DNAH9: variants seen among roughly 807,000 people sequenced by gnomAD.
The protein encoded by DNAH9 is dynein axonemal heavy chain 9, also known as DNAH9 variant protein.
DNAH9 carries 345 observed loss-of-function variants against 471.6 expected under a neutral mutation model. The observed-to-expected ratio is 0.73, with a 90% CI of 0.67 to 0.80. DNAH9 has a LOEUF of 0.80. Ranked by LOEUF, DNAH9 falls within the 30% of genes least tolerant of loss-of-function variation. The probability of loss-of-function intolerance (pLI) is 0.00; values close to 1 mark genes in which losing one functional copy is unlikely to be tolerated. For missense variants in DNAH9, 5,407 were observed against 5,609.2 expected (o/e 0.96, Z 1.15); for synonymous variants, 2,093 against 2,123.6 (o/e 0.99, Z 0.40).
chr17:11,809,271 T>C (rs1460968157), intron 44 of DNAH9, among the ~76,000 whole-genome samples: 1 of 152,004 alleles, frequency 6.6e-6, no homozygotes, highest in Non-Finnish European at 1.5e-5. Context: ...GAGCTAGTCA[T>C]AAGAACACAA....
chr17:11,604,369 A>G (rs977085312), intron 1 of DNAH9, among the ~76,000 whole-genome samples: 5 of 151,786 alleles, frequency 3.3e-5, no homozygotes, highest in Admixed American at 2.6e-4. Context: ...CATTCCCTGG[A>G]CGTCTTCTCT....
intron 59 of DNAH9, among the ~76,000 whole-genome samples, chr17:11,901,682 C>T (rs1973421324): frequency 1.3e-5 from 2 of 152,054 alleles, no homozygotes; most frequent in South Asian, 2.1e-4. Flanking sequence ...GGCAACAGAG[C>T]GACACTCCGT....
At chr17:11,837,822 A>G (rs1409362667) in intron 49 of DNAH9, among the ~76,000 whole-genome samples, 1 of 152,098 alleles carries the variant, frequency 6.6e-6, no homozygotes, top group Non-Finnish European at 1.5e-5. Flanking sequence ...GTTCTACTCC[A>G]CCCACGCCAA....
At chr17:11,916,933 A>G (rs376687668) in intron 61 of DNAH9, among the ~76,000 whole-genome samples, 10 of 152,180 alleles carry the variant, frequency 6.6e-5, no homozygotes, top group African/African-American at 2.4e-4. Flanking sequence ...CCATTGGCCA[A>G]TTAATAATTA....
chr17:11,873,208 CTGAG>C (rs1972350476), intron 52 of DNAH9, among the ~76,000 whole-genome samples: 1 of 152,208 alleles, frequency 6.6e-6, no homozygotes, highest in Non-Finnish European at 1.5e-5. Context: ...CCATCATTAA[CTGAG>C]TGAATGAAGA....
Position 11,853,894 on chromosome 17 carries a change from T to C in DNAH9, c.9508-109T>C, listed in dbSNP as rs990735413. Reference sequence around the variant, plus strand: ...TAAAATTCAGAGGGCTGCTGCAGGCTTCAAAGCAGCCCTTTCAAACCGATC... The same window carrying C: ...TAAAATTCAGAGGGCTGCTGCAGGCCTCAAAGCAGCCCTTTCAAACCGATC... On this transcript the variant is annotated intron_variant, in intron 49 of 68. Transcript: ENST00000262442. 3.8e-6 allele frequency: 4 copies of C among 1,043,258 alleles called. No individual in the cohort carries two copies. The African/African-American group carries it at 6.4e-5, about 17-fold the overall frequency. The allele number at this position is 1,043,258 out of a possible 1,614,324, so 64.6% of individuals were successfully genotyped here. A position where few individuals can be genotyped will look rare whatever the true frequency, so the allele number is the denominator to read the frequency against.
At chr17:11,794,075 T>C (rs1969157090) in intron 42 of DNAH9, among the ~76,000 whole-genome samples, 1 of 141,664 alleles carries the variant, frequency 7.1e-6, no homozygotes, top group South Asian at 2.2e-4. Flanking sequence ...GACAGAGTCT[T>C]GCTCTTTCGC....
chr17:11,819,577 C>G (rs1467747530), intron 45 of DNAH9, among the ~76,000 whole-genome samples: 2 of 152,040 alleles, frequency 1.3e-5, no homozygotes, highest in Non-Finnish European at 2.9e-5. Context: ...ACCACCATGC[C>G]CAGCTAATTG....
intron 17 of DNAH9, among the ~76,000 whole-genome samples, chr17:11,675,833 AT>A (rs2074040274): frequency 6.6e-6 from 1 of 152,092 alleles, no homozygotes; most frequent in Non-Finnish European, 1.5e-5. Context: ...GTGTTTGCAA[AT>A]ATTTTGTTTA....
chr17:11,843,154 G>A (rs1971088382), intron 49 of DNAH9, among the ~76,000 whole-genome samples: 1 of 152,090 alleles, frequency 6.6e-6, no homozygotes. Flanking sequence ...CTTCACTACT[G>A]TAATTCAAAA....
intron 41 of DNAH9, among the ~76,000 whole-genome samples, chr17:11,790,121 GT>G (rs35320322): frequency 0.35 from 47,384 of 134,134 alleles, 10,657 homozygotes; most frequent in African/African-American, 0.66. Context: ...GATGTGCAGG[GT>G]TTTTTTTTAA....
intron 50 of DNAH9, among the ~76,000 whole-genome samples, chr17:11,862,708 T>G (rs1971904574): frequency 6.6e-6 from 1 of 152,214 alleles, no homozygotes; most frequent in Admixed American, 6.5e-5. Flanking sequence ...AGCAGTGGTT[T>G]GTAGTTCTCC....
intron 52 of DNAH9, 112 bp downstream of exon 52, chr17:11,871,898 A>T: frequency 1.7e-6 from 2 of 1,145,058 alleles, no homozygotes; most frequent in Non-Finnish European, 2.5e-6. Context: ...CATCCCCACC[A>T]CCCCCTGAGC....
At chr17:11,624,255 TC>T (rs2072928934) in intron 6 of DNAH9, among the ~76,000 whole-genome samples, 1 of 152,220 alleles carries the variant, frequency 6.6e-6, no homozygotes, top group Non-Finnish European at 1.5e-5. Flanking sequence ...ACGCCTGTAA[TC>T]CCAACACTTT....
chr17:11,738,905 G>A lies in DNAH9; in HGVS notation c.5840G>A (p.Arg1947Lys). Residue 1947 changes from arginine to lysine, a missense_variant, in exon 29 of 69, where the codon AGA becomes AAA. Physicochemically the swap from Arg to Lys is conservative, Grantham distance 26. Transcript: ENST00000262442. ...GTAAAAAGCATTCAAGATGCGATTAGAGATAAGAAGCAGTGGTTCAGCTTC... is the reference window on the plus strand; with the variant it reads ...GTAAAAAGCATTCAAGATGCGATTAAAGATAAGAAGCAGTGGTTCAGCTTC... ...VQVKSIQDAI[R>K]DKKQWFSFLG... 1 of 1,614,158 alleles carries A rather than the reference G, an allele frequency of 6.2e-7. No homozygotes were observed. Among genetic ancestry groups the A allele is most frequent in the Non-Finnish European group, 8.5e-7 (1 of 1,179,994 alleles).
chr17:11,631,601 A>G (rs949388130), intron 7 of DNAH9, among the ~76,000 whole-genome samples: 8 of 151,164 alleles, frequency 5.3e-5, no homozygotes, highest in African/African-American at 2.0e-4. Flanking sequence ...AGATTGTGCC[A>G]CTGCACTCCA....
intron 49 of DNAH9, among the ~76,000 whole-genome samples, chr17:11,850,066 A>G (rs1323593647): frequency 6.6e-6 from 1 of 152,168 alleles, no homozygotes; most frequent in Non-Finnish European, 1.5e-5. Context: ...TACAACTTCA[A>G]AGTGACTTAT....
intron 1 of DNAH9, among the ~76,000 whole-genome samples, chr17:11,600,572 CAG>C (rs1402021245): frequency 1.3e-5 from 2 of 152,184 alleles, no homozygotes; most frequent in African/African-American, 2.4e-5. Context: ...TGTTCATCAA[CAG>C]GGGACTGGGT....
chr17:11,665,198 G>C (rs932603738), intron 15 of DNAH9, among the ~76,000 whole-genome samples: 13 of 152,184 alleles, frequency 8.5e-5, no homozygotes, highest in Admixed American at 2.6e-4. Context: ...TAAGACAGTG[G>C]TGCACATAGC....
Sources: allele counts gnomAD v4.1 joint callset (sites outside exome capture counted in the v4.1 genomes callset), GRCh38; gene constraint gnomAD v4.1.1; transcripts MANE v1.5; gene names NCBI Gene and HGNC (gene_info 2026-07-23, HGNC 2026-07-21).